Variants in ZNF367 observed in about 807,000 individuals in gnomAD.
ZNF367 encodes C2H2 zinc finger protein ZFF29.
A neutral mutation model predicts 31.8 loss-of-function variants in ZNF367; 11 were observed. The ratio of observed to expected loss-of-function variants is 0.35; its 90% CI spans 0.22 to 0.57. The LOEUF (loss-of-function observed/expected upper bound fraction) is 0.57, where lower values mean the gene tolerates loss of function less well. Among genes scored for constraint, ZNF367 ranks in the 20% least tolerant of loss-of-function variants. The probability of loss-of-function intolerance (pLI) is 0.85; values close to 1 mark genes in which losing one functional copy is unlikely to be tolerated. For synonymous variants in ZNF367, 199 were observed against 202.4 expected (o/e 0.98, Z 0.14); for missense variants, 353 against 484.1 (o/e 0.73, Z 2.54).
At chr9:96,405,251 G>A (rs1306845183) in intron 1 of ZNF367, among the ~76,000 whole-genome samples, 1 of 144,964 alleles carries the variant, frequency 6.9e-6, no homozygotes, top group Non-Finnish European at 1.5e-5. Context: ...GAACCCGGAG[G>A]TTGCAGTGAG....
intron 1 of ZNF367, among the ~76,000 whole-genome samples, chr9:96,416,883 A>G (rs1405840130): frequency 2.0e-5 from 3 of 152,200 alleles, no homozygotes; most frequent in African/African-American, 7.2e-5. Flanking sequence ...ACTAAAAGCC[A>G]CAAAACCTCG....
intron 2 of ZNF367, among the ~76,000 whole-genome samples, chr9:96,397,234 C>T (rs1411454770): frequency 6.6e-6 from 1 of 151,900 alleles, no homozygotes; most frequent in East Asian, 1.9e-4. Context: ...ACTTCAGTTT[C>T]CTCACCTGTA....
chr9:96,404,884 A>G (rs2131078137), intron 1 of ZNF367, among the ~76,000 whole-genome samples: 1 of 152,316 alleles, frequency 6.6e-6, no homozygotes, highest in African/African-American at 2.4e-5. Flanking sequence ...TATCAAGGAT[A>G]TAAAAAGACC....
intron 1 of ZNF367, among the ~76,000 whole-genome samples, chr9:96,412,701 T>TC (rs1221193395): frequency 6.0e-5 from 9 of 150,004 alleles, no homozygotes; most frequent in Admixed American, 3.3e-4. Flanking sequence ...TCTTTTCTTT[T>TC]TTTTTTTTTT....
intron 1 of ZNF367, among the ~76,000 whole-genome samples, chr9:96,399,639 G>A (rs1449371621): frequency 5.9e-5 from 9 of 152,116 alleles, no homozygotes; most frequent in South Asian, 4.2e-4. Context: ...CCAACATGGC[G>A]AAACCCCATC....
At chr9:96,413,483 T>C (rs1831779570) in intron 1 of ZNF367, among the ~76,000 whole-genome samples, 1 of 152,132 alleles carries the variant, frequency 6.6e-6, no homozygotes, top group Admixed American at 6.6e-5. Context: ...AAAGGGGAAG[T>C]AGGATACGGC....
intron 1 of ZNF367, among the ~76,000 whole-genome samples, chr9:96,404,794 G>A (rs1401961572): frequency 4.6e-5 from 7 of 151,882 alleles, no homozygotes; most frequent in Non-Finnish European, 1.0e-4. Flanking sequence ...TACATCACAG[G>A]ACATTACAAA....
chr9:96,397,137 C>T (rs1408487934), intron 2 of ZNF367, among the ~76,000 whole-genome samples: 1 of 152,098 alleles, frequency 6.6e-6, no homozygotes, highest in African/African-American at 2.4e-5. Flanking sequence ...GCTCAGGAGT[C>T]ACAGTGGCTA....
intron 1 of ZNF367, among the ~76,000 whole-genome samples, chr9:96,409,035 G>A (rs573316998): frequency 2.0e-5 from 3 of 152,068 alleles, no homozygotes; most frequent in Admixed American, 6.6e-5. Context: ...CGCTGTGCTC[G>A]CTCATATTGT....
At chr9:96,409,812 C>T (rs1167707950) in intron 1 of ZNF367, among the ~76,000 whole-genome samples, 2 of 152,148 alleles carry the variant, frequency 1.3e-5, no homozygotes, top group African/African-American at 4.8e-5. Context: ...ATCTTCATTG[C>T]CATCATTTAT....
intron 1 of ZNF367, among the ~76,000 whole-genome samples, chr9:96,413,024 T>TA (rs1831771437): frequency 6.6e-6 from 1 of 152,160 alleles, no homozygotes; most frequent in Admixed American, 6.6e-5. Context: ...TATGTCTACT[T>TA]ATCTCAGCTT....
chr9:96,402,932 C>A (rs1255669152), intron 1 of ZNF367, among the ~76,000 whole-genome samples: 1 of 151,742 alleles, frequency 6.6e-6, no homozygotes, highest in Non-Finnish European at 1.5e-5. Flanking sequence ...TGAAACTTTA[C>A]AGAAGGAAAA....
rs1831405480 is a variant in ZNF367, at chr9:96,386,016, G to A, written c.*2221C>T. The A allele has an allele frequency of 6.6e-6, 1 of 152,056 alleles. No individual in the cohort carries two copies. Among genetic ancestry groups the A allele is most frequent in the Non-Finnish European group, 1.5e-5 (1 of 67,986 alleles). 9.4% of individuals were successfully genotyped at this position (152,056 alleles called of 1,614,324 possible). A position where few individuals can be genotyped will look rare whatever the true frequency, so the allele number is the denominator to read the frequency against. Reference sequence around the variant, plus strand: ...TGTTTATTCTTATGCTGTTAACTCTGCCAAACTACAACTTAGCCATATGAA... The same window carrying A: ...TGTTTATTCTTATGCTGTTAACTCTACCAAACTACAACTTAGCCATATGAA... On this transcript the variant is annotated 3_prime_UTR_variant, in exon 5 of 5. Transcript: ENST00000375256.
In ZNF367 at chr9:96,386,231, T is replaced by G. The variant is rs1831408026; in HGVS notation, c.*2006A>C. The G allele has an allele frequency of 6.6e-6, 1 of 152,180 alleles. No homozygotes were observed. Among genetic ancestry groups the G allele is most frequent in the African/African-American group, 2.4e-5 (1 of 41,458 alleles). The allele number at this position is 152,180 out of a possible 1,614,324, so 9.4% of individuals were successfully genotyped here. On this transcript the variant is annotated 3_prime_UTR_variant, in exon 5 of 5. Transcript: ENST00000375256. ...TTGCAATTATACAAATAAAAAATGT[T>G]TATGAAAAAACTATTAGAGTTGACA... is the stretch of plus-strand genomic sequence containing the variant.
chr9:96,395,696 C>T (rs1279719551), intron 2 of ZNF367, among the ~76,000 whole-genome samples: 1 of 152,124 alleles, frequency 6.6e-6, no homozygotes, highest in Non-Finnish European at 1.5e-5. Flanking sequence ...CTGAATTCTT[C>T]CTATCTACCT....
In ZNF367 at chr9:96,417,837, AG is replaced by A. The variant is rs1419694862; in HGVS notation, c.195del (p.Phe66SerfsTer15). 6.7e-7 allele frequency: 1 copy of A among 1,491,142 alleles called. No individual in the cohort carries two copies. Among genetic ancestry groups the A allele is most frequent in the African/African-American group, 1.5e-5 (1 of 68,192 alleles). The allele number at this position is 1,491,142 out of a possible 1,614,324, so 92.4% of individuals were successfully genotyped here. Reference sequence around the variant, plus strand: ...CCCCAGCGCCACGGGTACACCATGAAGTCGCTGAAGCCGGGGCTGGTGGGGA... The same window carrying A: ...CCCCAGCGCCACGGGTACACCATGAATCGCTGAAGCCGGGGCTGGTGGGGA... ...PLIPTSPGFS[D>X]FMVYPWRWGE... On this transcript the variant is annotated frameshift_variant, in exon 1 of 5. Transcript: ENST00000375256. LOFTEE classifies it high-confidence loss of function. The surrounding 1 kb of genome is among the most constrained non-coding windows in gnomAD (Gnocchi z 5.0).
At chr9:96,414,052 T>A (rs754799414) in intron 1 of ZNF367, among the ~76,000 whole-genome samples, 1 of 152,220 alleles carries the variant, frequency 6.6e-6, no homozygotes, top group Non-Finnish European at 1.5e-5. Context: ...CTACAAGTAC[T>A]TTAAAGAAGC....
chr9:96,406,865 G>C (rs111581437), intron 1 of ZNF367, among the ~76,000 whole-genome samples: 1 of 151,762 alleles, frequency 6.6e-6, no homozygotes, highest in Non-Finnish European at 1.5e-5. Context: ...AGCTGGGCGC[G>C]GTGGGGGGCG....
chr9:96,406,654 T>C (rs1831674175), intron 1 of ZNF367, among the ~76,000 whole-genome samples: 2 of 152,184 alleles, frequency 1.3e-5, no homozygotes, highest in Non-Finnish European at 2.9e-5. Flanking sequence ...TGAAGAAATA[T>C]GTTTTATGTT....
Sources: allele counts gnomAD v4.1 joint callset (sites outside exome capture counted in the v4.1 genomes callset), GRCh38; gene constraint gnomAD v4.1.1; non-coding constraint Gnocchi (gnomAD v3.1); transcripts MANE v1.5; gene names NCBI Gene and HGNC (gene_info 2026-07-23, HGNC 2026-07-21).